The following DAB1 variants were observed in gnomAD, a reference collection of about 807,000 sequenced individuals.
DAB1 encodes DAB adaptor protein 1.
In DAB1, 15 loss-of-function variants were observed where a neutral mutation model predicts 64.6. The ratio of observed to expected loss-of-function variants is 0.23; its 90% CI spans 0.16 to 0.36. The LOEUF (loss-of-function observed/expected upper bound fraction) is 0.36. Among genes scored for constraint, DAB1 ranks in the 10% least tolerant of loss-of-function variants. The pLI, the probability that DAB1 is intolerant of heterozygous loss-of-function variation, is 1.00. For synonymous variants in DAB1, 235 were observed against 251.9 expected, an observed-to-expected ratio of 0.93 and a Z score of 0.64; for missense variants, 596 against 706.7, an observed-to-expected ratio of 0.84 and a Z score of 1.78.
intron 3 of DAB1, among the ~76,000 whole-genome samples, chr1:58,352,105 T>C (rs1246637370): frequency 6.6e-6 from 1 of 151,920 alleles, no homozygotes; most frequent in Non-Finnish European, 1.5e-5. Flanking sequence ...GGCATCCTGT[T>C]ATCTCAGACA....
chr1:58,136,412 C>A (rs1653948538), intron 5 of DAB1, among the ~76,000 whole-genome samples: 1 of 152,156 alleles, frequency 6.6e-6, no homozygotes, highest in African/African-American at 2.4e-5. Flanking sequence ...CACAGCCTAT[C>A]AGAACCTAGG....
At chr1:57,967,073 A>G (rs1487052649) in intron 5 of DAB1, among the ~76,000 whole-genome samples, 1 of 152,202 alleles carries the variant, frequency 6.6e-6, no homozygotes, top group Non-Finnish European at 1.5e-5. Context: ...ACACACACAC[A>G]AGAATGTCAA....
At chr1:57,641,289 C>T (rs1292758225) in intron 7 of DAB1, among the ~76,000 whole-genome samples, 2 of 151,906 alleles carry the variant, frequency 1.3e-5, no homozygotes, top group South Asian at 2.1e-4. Flanking sequence ...TTCTTATATA[C>T]CTGACTTAGT....
chr1:57,306,689 T>C (rs886493512), intron 1 of DAB1, among the ~76,000 whole-genome samples: 2 of 152,114 alleles, frequency 1.3e-5, no homozygotes, highest in Non-Finnish European at 2.9e-5. Flanking sequence ...AGCCTGCTCT[T>C]ATGCGAAGCT....
intron 1 of DAB1, among the ~76,000 whole-genome samples, chr1:57,370,564 GAA>G (rs997588622): frequency 2.0e-5 from 3 of 149,556 alleles, no homozygotes; most frequent in African/African-American, 7.4e-5. Context: ...GTGAGGGAGA[GAA>G]AGAGAGAAAG....
intron 3 of DAB1, among the ~76,000 whole-genome samples, chr1:58,497,364 T>G (rs962827443): frequency 6.6e-6 from 1 of 152,178 alleles, no homozygotes; most frequent in Non-Finnish European, 1.5e-5. Context: ...AGAAATCTGA[T>G]GTAGACAGAA....
At chr1:57,067,058 C>T (rs991558502) in intron 8 of DAB1, among the ~76,000 whole-genome samples, 1 of 152,090 alleles carries the variant, frequency 6.6e-6, no homozygotes, top group Non-Finnish European at 1.5e-5. Flanking sequence ...AAAAGCCCAG[C>T]CTTATCTTCA....
intron 2 of DAB1, among the ~76,000 whole-genome samples, chr1:58,520,599 C>A (rs1646246919): frequency 6.6e-6 from 1 of 152,068 alleles, no homozygotes; most frequent in Non-Finnish European, 1.5e-5. Context: ...CACAAGAACA[C>A]AGGAGGTTTG....
At chr1:58,285,605 T>G (rs927095603) in intron 4 of DAB1, among the ~76,000 whole-genome samples, 1 of 152,076 alleles carries the variant, frequency 6.6e-6, no homozygotes, top group African/African-American at 2.4e-5. Context: ...GGAATACACC[T>G]AACAAGGGAA....
At chr1:57,565,248 T>G (rs1246587925) in intron 7 of DAB1, among the ~76,000 whole-genome samples, 1 of 152,178 alleles carries the variant, frequency 6.6e-6, no homozygotes, top group Non-Finnish European at 1.5e-5. Context: ...TCACCAGGCC[T>G]GTCCTGCAAG....
At chr1:57,971,877 T>C (rs1023196434) in intron 5 of DAB1, among the ~76,000 whole-genome samples, 1 of 152,182 alleles carries the variant, frequency 6.6e-6, no homozygotes, top group African/African-American at 2.4e-5. Context: ...TACCTGCTAG[T>C]CAAATTTGGT....
chr1:58,294,539 G>C (rs138821367), intron 4 of DAB1, among the ~76,000 whole-genome samples: 4 of 152,186 alleles, frequency 2.6e-5, no homozygotes, highest in African/African-American at 9.6e-5. Flanking sequence ...ACAAATAAAG[G>C]AGACACGGCT....
At chr1:57,435,476 G>A (rs1490520553) in intron 7 of DAB1, among the ~76,000 whole-genome samples, 3 of 152,080 alleles carry the variant, frequency 2.0e-5, no homozygotes, top group Non-Finnish European at 4.4e-5. Flanking sequence ...TAAACACATT[G>A]TAAAGCTGTA....
chr1:57,905,616 A>T (rs6674903), intron 5 of DAB1, among the ~76,000 whole-genome samples: 1 of 151,938 alleles, frequency 6.6e-6, no homozygotes, highest in Non-Finnish European at 1.5e-5. Context: ...TCTGAAGCTC[A>T]GGGAAGAAGT....
At chr1:58,299,160 G>T (rs1256912038) in intron 4 of DAB1, among the ~76,000 whole-genome samples, 3 of 152,148 alleles carry the variant, frequency 2.0e-5, no homozygotes, top group African/African-American at 7.2e-5. Context: ...CCAGCAGAGG[G>T]TCTGGCTCAG....
intron 4 of DAB1, among the ~76,000 whole-genome samples, chr1:58,219,785 T>C (rs1479477411): frequency 6.6e-6 from 1 of 152,222 alleles, no homozygotes. Flanking sequence ...GCACTTCACC[T>C]CCATTGCACA....
At chr1:57,196,075 A>T (rs1294145301) in intron 2 of DAB1, among the ~76,000 whole-genome samples, 1 of 152,116 alleles carries the variant, frequency 6.6e-6, no homozygotes, top group Non-Finnish European at 1.5e-5. Flanking sequence ...TGGGATGAAG[A>T]AGGGCCAAGG....
chr1:57,985,638 C>G (rs17116641), intron 5 of DAB1, among the ~76,000 whole-genome samples: 2,925 of 80,198 alleles, frequency 0.036, 51 homozygotes, highest in South Asian at 0.1. Flanking sequence ...ACAGTAGACC[C>G]TCAAGAAAGA....
At chr1:57,225,216 C>T (rs1389179141) in intron 2 of DAB1, among the ~76,000 whole-genome samples, 1 of 152,192 alleles carries the variant, frequency 6.6e-6, no homozygotes, top group Non-Finnish European at 1.5e-5. Context: ...TGGGAACTCA[C>T]AAATTTGTAG....
Sources: allele counts gnomAD v4.1 joint callset (sites outside exome capture counted in the v4.1 genomes callset), GRCh38; gene constraint gnomAD v4.1.1; transcripts MANE v1.5; gene names NCBI Gene and HGNC (gene_info 2026-07-23, HGNC 2026-07-21).